Variants in IST1 observed in about 807,000 individuals in gnomAD.
IST1 encodes IST1 homolog.
Under a neutral mutation model 37.0 loss-of-function variants are expected in IST1, and 23 were observed. That is an observed-to-expected ratio of 0.62 (90% CI 0.45 to 0.88). IST1 has a LOEUF of 0.88. Ranked by LOEUF, IST1 falls within the 40% of genes least tolerant of loss-of-function variation. IST1 has a pLI of 0.00. For synonymous variants in IST1, 180 were observed against 161.7 expected (o/e 1.11, Z -0.86); for missense variants, 488 against 445.4 (o/e 1.10, Z -0.86).
intron 6 of IST1, chr16:71,921,711 C>G (rs1473521255): frequency 7.8e-6 from 3 of 382,436 alleles, no homozygotes; most frequent in African/African-American, 4.1e-5. Context: ...TGGTGAACTT[C>G]AGGAATTGAG....
chr16:71,918,824 ATC>A (rs1471489004), intron 4 of IST1, among the ~76,000 whole-genome samples: 1 of 152,242 alleles, frequency 6.6e-6, no homozygotes, highest in Non-Finnish European at 1.5e-5. Context: ...GAATAAAAAA[ATC>A]TCTGTGTAGT....
chr16:71,910,269 T>C (rs942970676), intron 1 of IST1, among the ~76,000 whole-genome samples: 3 of 152,152 alleles, frequency 2.0e-5, no homozygotes, highest in East Asian at 3.8e-4. Flanking sequence ...CTGTGTATGC[T>C]ACCTGCCCAT....
intron 8 of IST1, chr16:71,924,565 TGG>T (rs2037691363): frequency 1.7e-6 from 1 of 599,884 alleles, no homozygotes; most frequent in African/African-American, 1.9e-5. Flanking sequence ...CACTCCAGCC[TGG>T]GTGACAGGAG....
At chr16:71,924,006 C>G in intron 8 of IST1, 1 of 411,288 alleles carries the variant, frequency 2.4e-6, no homozygotes, top group Non-Finnish European at 4.8e-6. Context: ...ATTGGTGTGG[C>G]ATTTGCTATG....
intron 1 of IST1, among the ~76,000 whole-genome samples, chr16:71,911,668 T>C (rs1157082610): frequency 6.6e-6 from 1 of 151,846 alleles, no homozygotes; most frequent in Non-Finnish European, 1.5e-5. Context: ...TCTGTATACA[T>C]GTGAATGTGA....
chr16:71,930,232 C>A lies in IST1; in HGVS notation c.*2419C>A. ...GCAGTGACTGACAATTTAGTTTATA[C>A]TTTACAAACATAAGCTATATGCTAG... On this transcript the variant is annotated 3_prime_UTR_variant, in exon 10 of 10. Transcript: ENST00000378799. The A allele has an allele frequency of 6.7e-7, 1 of 1,490,430 alleles. No homozygotes were observed. Among genetic ancestry groups the A allele is most frequent in the Admixed American group, 2.5e-5 (1 of 40,770 alleles). 92.3% of individuals were successfully genotyped at this position (1,490,430 alleles called of 1,614,324 possible). A position where few individuals can be genotyped will look rare whatever the true frequency, so the allele number is the denominator to read the frequency against.
intron 1 of IST1, among the ~76,000 whole-genome samples, chr16:71,900,787 A>G (rs574832392): frequency 5.3e-5 from 8 of 152,266 alleles, no homozygotes; most frequent in Non-Finnish European, 1.2e-4. Flanking sequence ...TATGTCAGCT[A>G]TACCCATTTG....
chr16:71,924,142 G>A, intron 8 of IST1: 1 of 455,972 alleles, frequency 2.2e-6, no homozygotes, highest in South Asian at 1.5e-5. Context: ...GGTTTTGCAT[G>A]CGTCACATAA....
chr16:71,895,519 G>C (rs1397712609), upstream of IST1: 8 of 985,602 alleles, frequency 8.1e-6, no homozygotes, highest in Non-Finnish European at 6.0e-6. Flanking sequence ...TGCTGAGGCC[G>C]AGGGAGTCGC....
intron 1 of IST1, among the ~76,000 whole-genome samples, chr16:71,900,992 A>G (rs766737546): frequency 1.6e-4 from 24 of 152,174 alleles, no homozygotes; most frequent in African/African-American, 4.6e-4. Context: ...TTACTGGACA[A>G]TGTTAGTATG....
intron 1 of IST1, among the ~76,000 whole-genome samples, chr16:71,909,266 G>C (rs6499552): frequency 0.8 from 121,348 of 151,714 alleles, 48,883 homozygotes; most frequent in East Asian, 0.98. Flanking sequence ...CACCCCCACA[G>C]CCAGCTAATT....
At chr16:71,917,940 C>T (rs1449350485) in intron 4 of IST1, among the ~76,000 whole-genome samples, 1 of 152,134 alleles carries the variant, frequency 6.6e-6, no homozygotes, top group Non-Finnish European at 1.5e-5. Flanking sequence ...TAGAGGCTTT[C>T]CAAAGATTTA....
At position 71,930,137 on chromosome 16, in the gene IST1, C is replaced by T. The variant is rs887481937; in HGVS notation, c.*2324C>T. On this transcript the variant is annotated 3_prime_UTR_variant, in exon 10 of 10. Transcript: ENST00000378799. Reference sequence around the variant, plus strand: ...TACCACAAGTACCATCAAGATGACACTGGTGAGGATCAGAAAGGTGCCCAG... The same window carrying T: ...TACCACAAGTACCATCAAGATGACATTGGTGAGGATCAGAAAGGTGCCCAG... 3.2e-6 allele frequency: 5 copies of T among 1,551,586 alleles called. No homozygotes were observed. The highest frequency in any genetic ancestry group is 4.4e-6 in the Non-Finnish European group (5 of 1,146,892).
chr16:71,894,785 C>G, upstream of IST1: 1 of 1,452,698 alleles, frequency 6.9e-7, no homozygotes, highest in South Asian at 1.2e-5. Context: ...ATCCTCCCGC[C>G]CCGCCTCTCA....
chr16:71,918,424 T>A (rs1214928119), intron 4 of IST1, among the ~76,000 whole-genome samples: 1 of 150,830 alleles, frequency 6.6e-6, no homozygotes, highest in Non-Finnish European at 1.5e-5. Context: ...AGGCTTTTTT[T>A]TTTTTTTTTT....
At chr16:71,922,748 A>T (rs896089652) in intron 7 of IST1, 68 bp downstream of exon 7, 98 of 1,295,660 alleles carry the variant, frequency 7.6e-5, no homozygotes, top group Non-Finnish European at 9.7e-5. Context: ...CTCTGTGAAC[A>T]CACTCAGGAA....
At chr16:71,924,127 G>A (rs980020040) in intron 8 of IST1, 1 of 455,938 alleles carries the variant, frequency 2.2e-6, no homozygotes, top group Non-Finnish European at 4.4e-6. Flanking sequence ...TTTTTCTTAT[G>A]CTTTGGTTTT....
chr16:71,915,752 C>T, intron 2 of IST1, 24 bp downstream of exon 2: 1 of 1,474,386 alleles, frequency 6.8e-7, no homozygotes, highest in Non-Finnish European at 9.5e-7. Context: ...TTTTTTTCCC[C>T]AAAAATAAAT....
At chr16:71,908,103 C>T (rs2037267281) in intron 1 of IST1, among the ~76,000 whole-genome samples, 1 of 152,046 alleles carries the variant, frequency 6.6e-6, no homozygotes. Flanking sequence ...GCCACCACAC[C>T]AAGCTAATTT....
Sources: gnomAD v4.1 joint callset for allele counts (sites outside exome capture counted in the v4.1 genomes callset) on GRCh38, gnomAD v4.1.1 for gene constraint, MANE v1.5 for transcripts, NCBI Gene and HGNC (gene_info 2026-07-23, HGNC 2026-07-21) for gene names.